The following DDAH1 variants were observed in gnomAD, a reference collection of about 807,000 sequenced individuals.
DDAH1 encodes N(G),N(G)-dimethylarginine dimethylaminohydrolase 1.
A neutral mutation model predicts 28.8 loss-of-function variants in DDAH1; 19 were observed. That is an observed-to-expected ratio of 0.66 (90% confidence interval 0.46 to 0.97). The LOEUF (loss-of-function observed/expected upper bound fraction) is 0.97. DDAH1 is among the 50% of genes least tolerant of loss of function. The probability of loss-of-function intolerance (pLI) is 0.00; values close to 1 mark genes in which losing one functional copy is unlikely to be tolerated. For synonymous variants in DDAH1, 153 were observed against 154.4 expected (o/e 0.99, Z 0.07); for missense variants, 326 against 375.9 (o/e 0.87, Z 1.10).
intron 1 of DDAH1, among the ~76,000 whole-genome samples, chr1:85,561,621 T>C (rs1355351356): frequency 6.6e-6 from 1 of 152,118 alleles, no homozygotes; most frequent in Non-Finnish European, 1.5e-5. Context: ...ACCAAGATAG[T>C]CTCTCACGGT....
upstream of DDAH1, among the ~76,000 whole-genome samples, chr1:85,469,350 A>G (rs1366401359): frequency 6.6e-6 from 1 of 152,214 alleles, no homozygotes; most frequent in Non-Finnish European, 1.5e-5. Flanking sequence ...CTAGAGCCAG[A>G]CTGTGTAATG....
At chr1:85,570,989 C>G (rs1659438748) in intron 1 of DDAH1, among the ~76,000 whole-genome samples, 1 of 152,176 alleles carries the variant, frequency 6.6e-6, no homozygotes, top group Non-Finnish European at 1.5e-5. Context: ...GTCAGACAGG[C>G]CTGGATTAGA....
At chr1:85,327,157 G>A (rs1205954873) in intron 4 of DDAH1, among the ~76,000 whole-genome samples, 1 of 152,096 alleles carries the variant, frequency 6.6e-6, no homozygotes, top group Non-Finnish European at 1.5e-5. Context: ...ACCAGCCTGG[G>A]CAACATGGCG....
chr1:85,506,828 G>T (rs917896132), intron 1 of DDAH1, among the ~76,000 whole-genome samples: 1 of 152,138 alleles, frequency 6.6e-6, no homozygotes, highest in Non-Finnish European at 1.5e-5. Context: ...AAGGTGCCTC[G>T]GATAGATGGC....
intron 2 of DDAH1, among the ~76,000 whole-genome samples, chr1:85,483,572 A>G (rs1369665653): frequency 6.6e-6 from 1 of 152,234 alleles, no homozygotes; most frequent in African/African-American, 2.4e-5. Flanking sequence ...CTGTTTATGT[A>G]ACACCCCCAG....
In DDAH1 at chr1:85,368,639, G is replaced by A. The variant is rs547121588; in HGVS notation, c.304-9792C>T. ...GCCACTGACGTTCTGTCTGCAGGGG[G>A]CAAATAAAAATATGATTTATCACCA... On this transcript the variant is annotated intron_variant, in intron 1 of 5. Coordinates refer to ENST00000284031, the MANE Select transcript of DDAH1 (RefSeq NM_012137.4). Among the ~76,000 whole-genome samples, 124 of 152,188 alleles carry A rather than the reference G, an allele frequency of 8.1e-4. 1 individual carries two copies. The Middle Eastern group carries it at 0.01, about 13-fold the overall frequency.
At chr1:85,465,260 C>G (rs1248079607), upstream of DDAH1, 1 of 1,061,700 alleles carries the variant, frequency 9.4e-7, no homozygotes, top group Non-Finnish European at 1.1e-6. Flanking sequence ...GCGCCCACTC[C>G]GGCGCTCGCG....
chr1:85,392,893 C>T (rs1414686366), intron 1 of DDAH1, among the ~76,000 whole-genome samples: 2 of 151,502 alleles, frequency 1.3e-5, no homozygotes, highest in East Asian at 1.9e-4. Flanking sequence ...GATGCAACTA[C>T]AAGGAAAGGA....
chr1:85,405,045 A>G (rs941059395), intron 1 of DDAH1, among the ~76,000 whole-genome samples: 2 of 152,130 alleles, frequency 1.3e-5, no homozygotes, highest in Admixed American at 6.6e-5. Context: ...AAGGATAGAC[A>G]TGTTATTTTG....
rs3087894 is a variant in DDAH1, at chr1:85,321,435, G to C, written c.*17C>G. 557,542 of 1,556,668 alleles carry C rather than the reference G, an allele frequency of 0.36. 102,191 individuals carry two copies. The highest frequency in any genetic ancestry group is 0.41 in the South Asian group (36,608 of 89,694). On this transcript the variant is annotated 3_prime_UTR_variant, in exon 6 of 6. Transcript: ENST00000284031. The stretch of plus-strand genomic sequence containing the variant: ...TGCCTGTGCGGTCTTGCCGGCTACC[G>C]GGGGGGACTCTGCAGCTCAGGAGTC...
intron 1 of DDAH1, among the ~76,000 whole-genome samples, chr1:85,415,521 C>A (rs1652852187): frequency 6.6e-6 from 1 of 151,968 alleles, no homozygotes; most frequent in Admixed American, 6.6e-5. Flanking sequence ...AAGAAACAAT[C>A]CAAATATAAA....
chr1:85,544,135 T>G (rs978132480), intron 1 of DDAH1, among the ~76,000 whole-genome samples: 10 of 152,200 alleles, frequency 6.6e-5, no homozygotes, highest in African/African-American at 2.4e-4. Flanking sequence ...GTCTCTATCC[T>G]TATTCATTTA....
At chr1:85,423,390 A>C (rs1378763718) in intron 1 of DDAH1, among the ~76,000 whole-genome samples, 1 of 152,190 alleles carries the variant, frequency 6.6e-6, no homozygotes, top group Non-Finnish European at 1.5e-5. Context: ...TGAGTCTTCC[A>C]ATTCATTAAC....
At chr1:85,549,063 T>C (rs1404175353) in intron 1 of DDAH1, among the ~76,000 whole-genome samples, 1 of 152,162 alleles carries the variant, frequency 6.6e-6, no homozygotes, top group Non-Finnish European at 1.5e-5. Context: ...AGTTGAAACA[T>C]TTTTGTATTA....
chr1:85,361,273 T>C (rs1398315662), intron 1 of DDAH1, among the ~76,000 whole-genome samples: 3 of 152,300 alleles, frequency 2.0e-5, no homozygotes, highest in East Asian at 1.9e-4. Context: ...AATATAACTA[T>C]AGAAGTGGGA....
At chr1:85,372,258 T>A (rs559254840) in intron 1 of DDAH1, among the ~76,000 whole-genome samples, 2 of 152,314 alleles carry the variant, frequency 1.3e-5, no homozygotes, top group South Asian at 4.1e-4. Context: ...GCTGAGTATT[T>A]GGATGCTTAT....
At chr1:85,374,701 G>T (rs1219980221) in intron 1 of DDAH1, among the ~76,000 whole-genome samples, 2 of 146,150 alleles carry the variant, frequency 1.4e-5, no homozygotes, top group Non-Finnish European at 3.1e-5. Flanking sequence ...ATTTTTATGA[G>T]AATTTTTTTT....
Position 85,571,167 on chromosome 1 carries a change from C to T in DDAH1, c.-123+6817G>A, listed in dbSNP as rs146358397. ...CCATGGCGGTGCCCTGTAAATGTCA[C>T]TTCCCTTCTCTTTCCCCTTCTGAAA... is the stretch of plus-strand genomic sequence containing the variant. On this transcript the variant is annotated intron_variant, in intron 1 of 6. Coordinates refer to the DDAH1 transcript ENST00000426972. Among the ~76,000 whole-genome samples the T allele has an allele frequency of 1.6e-3, 244 of 152,328 alleles. 4 individuals are homozygous for T. In the South Asian group the frequency reaches 0.023, roughly 15 times the overall value.
At chr1:85,457,650 G>A (rs1654948832) in intron 1 of DDAH1, among the ~76,000 whole-genome samples, 1 of 152,132 alleles carries the variant, frequency 6.6e-6, no homozygotes, top group African/African-American at 2.4e-5. Context: ...ACAAAAACTG[G>A]AAAACTTTAA....
Sources: allele counts gnomAD v4.1 joint callset (sites outside exome capture counted in the v4.1 genomes callset), GRCh38; gene constraint gnomAD v4.1.1; transcripts MANE v1.5; gene names NCBI Gene and HGNC (gene_info 2026-07-23, HGNC 2026-07-21).